The following GALNTL6 variants were observed in gnomAD, a reference collection of about 807,000 sequenced individuals.
GALNTL6 encodes the protein polypeptide N-acetylgalactosaminyltransferase-like 6.
A neutral mutation model predicts 73.7 loss-of-function variants in GALNTL6; 46 were observed. The observed-to-expected ratio is 0.62, with a 90% CI of 0.49 to 0.80. The LOEUF is 0.80. Among genes scored for constraint, GALNTL6 ranks in the 30% least tolerant of loss-of-function variants. GALNTL6 has a pLI of 0.00. For missense variants in GALNTL6, 604 were observed against 755.0 expected (o/e 0.80, Z 2.34); for synonymous variants, 259 against 263.7 (o/e 0.98, Z 0.17).
In GALNTL6 at chr4:171,948,970, C is replaced by T. The variant is rs1301584635; in HGVS notation, c.138+134252C>T. Among the ~76,000 whole-genome samples, 820 of 151,572 alleles carry T rather than the reference C, an allele frequency of 5.4e-3. 9 individuals are homozygous for T. The highest frequency in any genetic ancestry group is 0.022 in the South Asian group (105 of 4,792). On this transcript the variant is annotated intron_variant, in intron 2 of 12. Coordinates refer to ENST00000506823, the MANE Select transcript of GALNTL6 (RefSeq NM_001034845.3). ...CGCAAGCCATATATATATACACACACACACACACACACACACAGACATACA... is the reference window on the plus strand; with the variant it reads ...CGCAAGCCATATATATATACACACATACACACACACACACACAGACATACA...
At chr4:171,882,062 C>A (rs562582781) in intron 2 of GALNTL6, among the ~76,000 whole-genome samples, 30 of 152,274 alleles carry the variant, frequency 2.0e-4, no homozygotes, top group Admixed American at 1.7e-3. Context: ...TCTCTTGATA[C>A]CATCTGTTCT....
chr4:172,599,357 G>A (rs1014783423), intron 5 of GALNTL6, among the ~76,000 whole-genome samples: 1 of 151,740 alleles, frequency 6.6e-6, no homozygotes, highest in Non-Finnish European at 1.5e-5. Flanking sequence ...ATCATGGGGG[G>A]CATTTAAAAA....
chr4:171,836,029 A>AATG (rs930533920), intron 2 of GALNTL6, among the ~76,000 whole-genome samples: 4 of 152,026 alleles, frequency 2.6e-5, no homozygotes, highest in African/African-American at 9.7e-5. Flanking sequence ...CTGAAGGGAA[A>AATG]ATGATACTAT....
intron 2 of GALNTL6, among the ~76,000 whole-genome samples, chr4:172,208,886 T>A (rs974358170): frequency 4.6e-5 from 7 of 152,106 alleles, no homozygotes; most frequent in Non-Finnish European, 1.0e-4. Flanking sequence ...ATTAAAGAGC[T>A]ATTATGTAGA....
chr4:172,306,350 C>T (rs949955556), intron 3 of GALNTL6, among the ~76,000 whole-genome samples: 1 of 152,116 alleles, frequency 6.6e-6, no homozygotes, highest in African/African-American at 2.4e-5. Context: ...GATCGCGCCA[C>T]TGCACTCCAG....
chr4:172,079,203 T>A (rs566773756), intron 2 of GALNTL6, among the ~76,000 whole-genome samples: 4 of 140,546 alleles, frequency 2.8e-5, no homozygotes, highest in South Asian at 4.5e-4. Context: ...CTTTTTTCAC[T>A]GAACAATATG....
chr4:172,884,616 T>C (rs1047629768), intron 8 of GALNTL6, among the ~76,000 whole-genome samples: 1 of 152,178 alleles, frequency 6.6e-6, no homozygotes, highest in Non-Finnish European at 1.5e-5. Flanking sequence ...ACAGAAACTT[T>C]CTAGCTTGAT....
At position 172,272,657 on chromosome 4, in the gene GALNTL6, G is replaced by A. The variant is rs1043452850; in HGVS notation, c.248-38957G>A. Among the ~76,000 whole-genome samples, 20 of 152,120 alleles carry A rather than the reference G, an allele frequency of 1.3e-4. 1 individual carries two copies. Among genetic ancestry groups the A allele is most frequent in the African/African-American group, 4.8e-4 (20 of 41,420 alleles). ...TTTCTTTCAGTATGCTTCCTTTCTT[G>A]ATACTGTCTCATTTGTAAATAAATG... On this transcript the variant is annotated intron_variant, in intron 3 of 12. Transcript: ENST00000506823.
intron 11 of GALNTL6, among the ~76,000 whole-genome samples, chr4:173,017,983 G>T (rs762630611): frequency 2.6e-5 from 4 of 152,168 alleles, no homozygotes; most frequent in Non-Finnish European, 4.4e-5. Flanking sequence ...TTTTCTGCAG[G>T]CCTGATTTTC....
intron 5 of GALNTL6, chr4:172,668,602 T>G (rs1731798880): frequency 6.6e-6 from 1 of 152,192 alleles, no homozygotes; most frequent in Non-Finnish European, 1.5e-5. Flanking sequence ...ATTTCTCTCC[T>G]GCTTGGCTTA....
chr4:172,283,588 T>A (rs71607879), intron 3 of GALNTL6, among the ~76,000 whole-genome samples: 164 of 152,244 alleles, frequency 1.1e-3, no homozygotes, highest in African/African-American at 3.7e-3. Context: ...CAAAGCAATG[T>A]ATTATTTAAT....
intron 5 of GALNTL6, among the ~76,000 whole-genome samples, chr4:172,701,273 A>C (rs2111291560): frequency 6.6e-6 from 1 of 152,248 alleles, no homozygotes; most frequent in African/African-American, 2.4e-5. Flanking sequence ...ATATCTATGA[A>C]GCCGAGTCAT....
intron 10 of GALNTL6, among the ~76,000 whole-genome samples, chr4:172,995,991 C>T (rs1728625272): frequency 6.6e-6 from 1 of 152,136 alleles, no homozygotes; most frequent in South Asian, 2.1e-4. Context: ...GAAATCACAG[C>T]ACAAAAACCT....
At chr4:172,345,560 C>T (rs1379764247) in intron 4 of GALNTL6, among the ~76,000 whole-genome samples, 1 of 152,138 alleles carries the variant, frequency 6.6e-6, no homozygotes. Flanking sequence ...CCTAACTGAA[C>T]ATAAATAAGA....
At chr4:172,839,341 C>A (rs1437738278) in intron 7 of GALNTL6, among the ~76,000 whole-genome samples, 1 of 152,200 alleles carries the variant, frequency 6.6e-6, no homozygotes, top group Non-Finnish European at 1.5e-5. Flanking sequence ...TATGTAATGA[C>A]AGTTACAGCC....
At chr4:172,406,649 A>G (rs1443361839) in intron 5 of GALNTL6, among the ~76,000 whole-genome samples, 1 of 152,016 alleles carries the variant, frequency 6.6e-6, no homozygotes, top group Non-Finnish European at 1.5e-5. Flanking sequence ...TTAGTGACAG[A>G]GCAGAACTGG....
At chr4:171,833,994 C>A (rs565553443) in intron 2 of GALNTL6, among the ~76,000 whole-genome samples, 1 of 151,468 alleles carries the variant, frequency 6.6e-6, no homozygotes, top group South Asian at 2.1e-4. Context: ...CATGTTTTTG[C>A]CACAAAATGA....
intron 2 of GALNTL6, among the ~76,000 whole-genome samples, chr4:172,081,455 T>C (rs534107727): frequency 2.0e-5 from 3 of 152,242 alleles, no homozygotes; most frequent in African/African-American, 4.8e-5. Flanking sequence ...CTGGCCAACA[T>C]GGTGAAACCC....
At chr4:172,463,336 G>GAA (rs574100286) in intron 5 of GALNTL6, among the ~76,000 whole-genome samples, 3 of 129,612 alleles carry the variant, frequency 2.3e-5, no homozygotes, top group Non-Finnish European at 3.4e-5. Context: ...ATGAGAGACA[G>GAA]AAAAAAAAAA....
Sources: gnomAD v4.1 joint callset for allele counts (sites outside exome capture counted in the v4.1 genomes callset) on GRCh38, gnomAD v4.1.1 for gene constraint, MANE v1.5 for transcripts, NCBI Gene and HGNC (gene_info 2026-07-23, HGNC 2026-07-21) for gene names.